ARMC8: variants seen among roughly 807,000 people sequenced by gnomAD.
ARMC8 encodes armadillo repeat containing 8, also known as armadillo repeat-containing protein 8.
A neutral mutation model predicts 99.3 loss-of-function variants in ARMC8; 20 were observed. The observed-to-expected ratio is 0.20, with a 90% CI of 0.14 to 0.29. The LOEUF (loss-of-function observed/expected upper bound fraction) is 0.29, where lower values mean the gene tolerates loss of function less well. Among genes scored for constraint, ARMC8 ranks in the 10% least tolerant of loss-of-function variants. The pLI is 1.00. For missense variants in ARMC8, 569 were observed against 809.5 expected (o/e 0.70, Z 3.60); for synonymous variants, 263 against 278.3 (o/e 0.95, Z 0.55).
intron 2 of ARMC8, among the ~76,000 whole-genome samples, chr3:138,213,875 AG>A (rs1367963730): frequency 2.0e-5 from 3 of 152,192 alleles, no homozygotes; most frequent in Non-Finnish European, 4.4e-5. Flanking sequence ...AAAGATTAAC[AG>A]AGGCCAGGCA....
At chr3:138,242,108 T>G in intron 11 of ARMC8, 125 bp downstream of exon 11, 1 of 726,736 alleles carries the variant, frequency 1.4e-6, no homozygotes, top group East Asian at 2.7e-5. Flanking sequence ...TCTTTTATCT[T>G]TGGTAACATA....
intron 16 of ARMC8, among the ~76,000 whole-genome samples, chr3:138,270,749 T>A (rs532770968): frequency 1.3e-5 from 2 of 152,296 alleles, no homozygotes; most frequent in South Asian, 4.1e-4. Context: ...TACTTAATAA[T>A]TTTTTAACAG....
At chr3:138,201,293 C>T (rs528420655) in intron 1 of ARMC8, among the ~76,000 whole-genome samples, 1 of 151,694 alleles carries the variant, frequency 6.6e-6, no homozygotes, top group Non-Finnish European at 1.5e-5. Context: ...TTAAAAAATA[C>T]ACTTCAGCAT....
chr3:138,286,592 G>A (rs2050439384), intron 19 of ARMC8, among the ~76,000 whole-genome samples: 1 of 152,086 alleles, frequency 6.6e-6, no homozygotes, highest in Admixed American at 6.5e-5. Context: ...TGTACAATAG[G>A]ACCTCGTAGG....
chr3:138,278,979 A>C (rs2108333086), intron 18 of ARMC8, among the ~76,000 whole-genome samples: 1 of 152,312 alleles, frequency 6.6e-6, no homozygotes, highest in South Asian at 2.1e-4. Flanking sequence ...CTGTAAATAA[A>C]AATAGCTTTA....
chr3:138,276,745 G>A (rs1473894854), intron 18 of ARMC8, among the ~76,000 whole-genome samples: 1 of 152,122 alleles, frequency 6.6e-6, no homozygotes, highest in East Asian at 1.9e-4. Context: ...TAAAAACACT[G>A]ATAATGAAAG....
chr3:138,271,267 C>G (rs2048762094), intron 16 of ARMC8, among the ~76,000 whole-genome samples: 1 of 152,226 alleles, frequency 6.6e-6, no homozygotes, highest in Admixed American at 6.5e-5. Flanking sequence ...TTTTTAAACT[C>G]ACTTTCTACC....
At position 138,215,812 on chromosome 3, in the gene ARMC8, AAATT is replaced by A. The variant is rs1305114038; in HGVS notation, c.122+5922_122+5925del. Among the ~76,000 whole-genome samples the A allele has an allele frequency of 6.6e-5, 10 of 152,218 alleles. No homozygotes were observed. The South Asian group carries it at 2.1e-3, about 32-fold the overall frequency. ...GGAACCATAAAATGCTATGGAAAGA[AAATT>A]AAATATTTACAGTAAACTTTTCATG... On this transcript the variant is annotated intron_variant, in intron 2 of 21. Transcript: ENST00000469044.
At chr3:138,229,261 C>G (rs1002273672) in intron 6 of ARMC8, among the ~76,000 whole-genome samples, 1 of 142,836 alleles carries the variant, frequency 7.0e-6, no homozygotes. Context: ...ACATACTGTT[C>G]TGCACCTTAA....
intron 12 of ARMC8, among the ~76,000 whole-genome samples, chr3:138,252,738 G>GCC (rs1348787471): frequency 0.011 from 39 of 3,480 alleles, no homozygotes; most frequent in Middle Eastern, 0.17. Context: ...ACAGGCGTGA[G>GCC]CCACCCCGCC....
Position 138,196,474 on chromosome 3 carries a change from A to G in ARMC8, c.45+8875A>G, listed in dbSNP as rs553478764. On this transcript the variant is annotated intron_variant, in intron 1 of 21. Transcript: ENST00000469044. ...CCTGCTTTCCCAGGAGAACATGCAT[A>G]TGCCTAAATAGTTGCATAATTTCTA... Among the ~76,000 whole-genome samples, 4 of 152,314 alleles carry G rather than the reference A, an allele frequency of 2.6e-5. No individual in the cohort carries two copies. In the South Asian group the frequency reaches 8.3e-4, roughly 32 times the overall value.
chr3:138,219,991 G>A (rs1487256364), intron 2 of ARMC8, among the ~76,000 whole-genome samples: 1 of 152,160 alleles, frequency 6.6e-6, no homozygotes, highest in Non-Finnish European at 1.5e-5. Flanking sequence ...GGAAATATTA[G>A]GGTTGGGAGT....
At chr3:138,253,422 A>C (rs2047233634) in intron 12 of ARMC8, among the ~76,000 whole-genome samples, 1 of 152,208 alleles carries the variant, frequency 6.6e-6, no homozygotes, top group Non-Finnish European at 1.5e-5. Context: ...TCTCTGTCTT[A>C]TCCCAGTCTC....
rs2047057869 is a variant in ARMC8 at position 138,250,147 on chromosome 3, A to G, written c.1134+4964A>G. 2.6e-5 allele frequency among the ~76,000 whole-genome samples: 4 copies of G among 152,294 alleles called. 1 individual carries two copies. The South Asian group carries it at 8.3e-4, about 32-fold the overall frequency. On this transcript the variant is annotated intron_variant, in intron 12 of 21. Transcript: ENST00000469044. Reference sequence around the variant, plus strand: ...GAAGTGTAGACAGAAGAAAAAAGGAAAGCAAAGAACAAGAATTTGTCTTCT... The same window carrying G: ...GAAGTGTAGACAGAAGAAAAAAGGAGAGCAAAGAACAAGAATTTGTCTTCT...
intron 12 of ARMC8, among the ~76,000 whole-genome samples, chr3:138,262,798 T>C (rs111431212): frequency 5.3e-4 from 81 of 152,250 alleles, no homozygotes; most frequent in Non-Finnish European, 9.3e-4. Context: ...GTTGCCCATA[T>C]TGGGAACTAC....
At chr3:138,292,986 T>C (rs2051116330) in intron 21 of ARMC8, among the ~76,000 whole-genome samples, 1 of 152,162 alleles carries the variant, frequency 6.6e-6, no homozygotes. Flanking sequence ...TCAAAACTCA[T>C]ATCAGGTTGC....
chr3:138,187,793 G>A, intron 1 of ARMC8, 194 bp downstream of exon 1: 1 of 596,344 alleles, frequency 1.7e-6, no homozygotes, highest in Non-Finnish European at 2.9e-6. Flanking sequence ...AGCCAAAGAC[G>A]TTTCCAACTC....
intron 2 of ARMC8, among the ~76,000 whole-genome samples, chr3:138,210,536 T>G (rs1373035898): frequency 6.6e-6 from 1 of 152,174 alleles, no homozygotes; most frequent in Non-Finnish European, 1.5e-5. Context: ...AGCGCATTAG[T>G]TCTAAGGAGG....
chr3:138,238,949 C>T (rs754069071), intron 9 of ARMC8: 12 of 152,210 alleles, frequency 7.9e-5, no homozygotes, highest in Admixed American at 4.6e-4. Flanking sequence ...ATTATTGACT[C>T]GTTCCCAAAG....
Sources: allele counts gnomAD v4.1 joint callset (sites outside exome capture counted in the v4.1 genomes callset), GRCh38; gene constraint gnomAD v4.1.1; transcripts MANE v1.5; gene names NCBI Gene and HGNC (gene_info 2026-07-23, HGNC 2026-07-21).